Variants in MEGF10 observed in about 807,000 individuals in gnomAD.
MEGF10 encodes multiple epidermal growth factor-like domains protein 10.
Under a neutral mutation model 147.5 loss-of-function variants are expected in MEGF10, and 86 were observed. That is an observed-to-expected ratio of 0.58 (90% confidence interval 0.49 to 0.70). The LOEUF (loss-of-function observed/expected upper bound fraction) is 0.70, where lower values mean the gene tolerates loss of function less well. Ranked by LOEUF, MEGF10 falls within the 30% of genes least tolerant of loss-of-function variation. The pLI is 0.00. For missense variants in MEGF10, 1,329 were observed against 1,487.3 expected (o/e 0.89, Z 1.75); for synonymous variants, 478 against 525.5 (o/e 0.91, Z 1.24).
chr5:127,395,791 G>A lies in MEGF10; in HGVS notation c.413-741G>A, dbSNP rs77933820. Among the ~76,000 whole-genome samples the A allele has an allele frequency of 6.6e-4, 100 of 151,998 alleles. 1 individual carries two copies. The East Asian group carries it at 0.017, about 27-fold the overall frequency. ...GATTTCCTGACCTCGTGATCCTCCC[G>A]TCTCGGCCTCCCAAAGTGCTGGGAT... On this transcript the variant is annotated intron_variant, in intron 5 of 24. Transcript: ENST00000503335.
chr5:127,245,356 G>T, the MEGF10 span, among the ~76,000 whole-genome samples: 26 of 152,144 alleles, frequency 1.7e-4, no homozygotes, highest in Admixed American at 6.6e-5. Flanking sequence ...AAGGAATGGG[G>T]AAAGGACTCC....
intron 4 of MEGF10, among the ~76,000 whole-genome samples, chr5:127,348,980 C>T (rs1761993858): frequency 6.6e-6 from 1 of 151,956 alleles, no homozygotes; most frequent in African/African-American, 2.4e-5. Flanking sequence ...CCTGTAATTC[C>T]AGCGCTTTGA....
chr5:127,352,464 C>A (rs1229420092), intron 4 of MEGF10, among the ~76,000 whole-genome samples: 3 of 152,160 alleles, frequency 2.0e-5, no homozygotes, highest in Non-Finnish European at 2.9e-5. Context: ...GAGTTCGAGA[C>A]TAGCCTGGCC....
At chr5:127,332,523 T>C (rs1376565470) in intron 2 of MEGF10, among the ~76,000 whole-genome samples, 1 of 152,108 alleles carries the variant, frequency 6.6e-6, no homozygotes, top group African/African-American at 2.4e-5. Flanking sequence ...CTCAGTATTA[T>C]TTTTGGTAAG....
intron 9 of MEGF10, among the ~76,000 whole-genome samples, chr5:127,417,358 C>T (rs79655685): frequency 6.6e-6 from 1 of 152,098 alleles, no homozygotes; most frequent in Non-Finnish European, 1.5e-5. Context: ...TTAGTGCATT[C>T]AATTTAAGAG....
At chr5:127,246,858 AATAATAT>A in the MEGF10 span, among the ~76,000 whole-genome samples, 2 of 144,342 alleles carry the variant, frequency 1.4e-5, no homozygotes, top group African/African-American at 5.1e-5. Flanking sequence ...AAATGTTTAA[AATAATAT>A]ATACTATATA....
chr5:127,371,727 G>GA (rs1762858419), intron 5 of MEGF10, among the ~76,000 whole-genome samples: 1 of 152,152 alleles, frequency 6.6e-6, no homozygotes, highest in African/African-American at 2.4e-5. Flanking sequence ...GGACCTTCTA[G>GA]AAAATAAACC....
At chr5:127,398,332 A>T (rs1764000549) in intron 6 of MEGF10, among the ~76,000 whole-genome samples, 1 of 152,212 alleles carries the variant, frequency 6.6e-6, no homozygotes, top group South Asian at 2.1e-4. Flanking sequence ...TATAAACAAA[A>T]GTAGACTTAA....
rs1580876930 is a variant in MEGF10, at chr5:127,443,034, A to C, written c.2399A>C (p.Gln800Pro). ...GGAACATATGGCTATGGCTGTCGCC[A>C]GATATGTGATTGTCTGAACAACTCC... is the stretch of plus-strand genomic sequence containing the variant. ...PSGTYGYGCR[Q>P]ICDCLNNSTC... The change falls in exon 19 of 25, where the codon CAG becomes CCG. Residue 800 changes from glutamine to proline, a missense_variant. Gln to Pro is a moderately conservative substitution (Grantham distance 76). This residue lies in a region of MEGF10 where 980 missense variants were observed against 1,085.9 expected (regional missense o/e 0.90). Coordinates refer to ENST00000503335, the MANE Select transcript of MEGF10 (RefSeq NM_001256545.2). 1 of 1,613,822 alleles carries C rather than the reference A, an allele frequency of 6.2e-7. No homozygotes were observed. Among genetic ancestry groups the C allele is most frequent in the Non-Finnish European group, 8.5e-7 (1 of 1,179,744 alleles).
In MEGF10 at chr5:127,457,123, C is replaced by T. The variant is rs1766389264; in HGVS notation, c.3233-5C>T. The T allele has an allele frequency of 6.2e-7, 1 of 1,602,554 alleles. No homozygotes were observed. ...GATAAATTAATATGTCCTTGGTTAT[C>T]ACAGAACCTACAGTGAGTGTTGTCC... On this transcript the variant is annotated splice_region_variant and splice_polypyrimidine_tract_variant and intron_variant, in intron 24 of 24. Coordinates refer to ENST00000503335, the MANE Select transcript of MEGF10 (RefSeq NM_001256545.2).
chr5:127,280,032 G>C, the MEGF10 span, among the ~76,000 whole-genome samples: 3 of 152,132 alleles, frequency 2.0e-5, no homozygotes, highest in African/African-American at 7.2e-5. Context: ...GTGGGCAAAA[G>C]AGTTTATATA....
chr5:127,268,464 G>T, the MEGF10 span, among the ~76,000 whole-genome samples: 1 of 151,704 alleles, frequency 6.6e-6, no homozygotes, highest in African/African-American at 2.4e-5. Flanking sequence ...TTCAATTCCT[G>T]GATATCCTTG....
At chr5:127,256,568 A>G in the MEGF10 span, among the ~76,000 whole-genome samples, 1 of 152,136 alleles carries the variant, frequency 6.6e-6, no homozygotes, top group Admixed American at 6.6e-5. Flanking sequence ...TTCTTACTGA[A>G]GTCAGAGTTG....
chr5:127,242,383 A>C, the MEGF10 span, among the ~76,000 whole-genome samples: 6 of 152,324 alleles, frequency 3.9e-5, no homozygotes, highest in Non-Finnish European at 8.8e-5. Context: ...GCATTAAAAA[A>C]TTTTAAGAGG....
chr5:127,438,143 T>C (rs1298816212), intron 16 of MEGF10, among the ~76,000 whole-genome samples: 2 of 152,162 alleles, frequency 1.3e-5, no homozygotes, highest in African/African-American at 4.8e-5. Flanking sequence ...GGGTACATAA[T>C]AGGTGTTGAA....
chr5:127,246,062 C>G, the MEGF10 span, among the ~76,000 whole-genome samples: 1 of 152,166 alleles, frequency 6.6e-6, no homozygotes, highest in Non-Finnish European at 1.5e-5. Flanking sequence ...CCTCAAGGAT[C>G]TAGAACCAGA....
chr5:127,388,450 A>G (rs1215417085), intron 5 of MEGF10, among the ~76,000 whole-genome samples: 1 of 152,206 alleles, frequency 6.6e-6, no homozygotes, highest in African/African-American at 2.4e-5. Context: ...TGCCCAGCCT[A>G]CATAGAATTA....
chr5:127,345,853 C>T lies in MEGF10; in HGVS notation c.319+5223C>T, dbSNP rs56227803. On this transcript the variant is annotated intron_variant, in intron 4 of 24. Coordinates refer to ENST00000503335, the MANE Select transcript of MEGF10 (RefSeq NM_001256545.2). ...TCTTTTATCCTTCACCCACCTCCCA[C>T]GCTTTCCCTTAAGTCCCCAAAGCCT... Among the ~76,000 whole-genome samples the T allele has an allele frequency of 2.7e-3, 412 of 152,262 alleles. 4 individuals are homozygous for T. The highest frequency in any genetic ancestry group is 9.4e-3 in the African/African-American group (391 of 41,548).
At chr5:127,342,292 A>G (rs1761712512) in intron 4 of MEGF10, among the ~76,000 whole-genome samples, 1 of 152,142 alleles carries the variant, frequency 6.6e-6, no homozygotes, top group Admixed American at 6.6e-5. Context: ...CTTCAGTGAC[A>G]TTATCTTGAT....
Sources: gnomAD v4.1 joint callset for allele counts (sites outside exome capture counted in the v4.1 genomes callset) on GRCh38, gnomAD v4.1.1 for gene constraint, gnomAD v4.1.1 regional missense constraint, MANE v1.5 for transcripts, NCBI Gene and HGNC (gene_info 2026-07-23, HGNC 2026-07-21) for gene names.